The following DCHS2 variants were observed in gnomAD, a reference collection of about 807,000 sequenced individuals.
The protein encoded by DCHS2 is protocadherin-23.
Under a neutral mutation model 182.4 loss-of-function variants are expected in DCHS2, and 142 were observed. The observed-to-expected ratio is 0.78, with a 90% CI of 0.68 to 0.89. The LOEUF (loss-of-function observed/expected upper bound fraction) is 0.89, where lower values mean the gene tolerates loss of function less well. Among genes scored for constraint, DCHS2 ranks in the 40% least tolerant of loss-of-function variants. DCHS2 has a pLI of 0.00. For missense variants in DCHS2, 4,319 were observed against 4,198.6 expected (o/e 1.03, Z -0.79); for synonymous variants, 1,740 against 1,663.3 (o/e 1.05, Z -1.12).
Position 154,236,695 on chromosome 4 carries a change from T to A in DCHS2, c.7957A>T (p.Ile2653Leu), listed in dbSNP as rs776677739. 1 of 1,614,012 alleles carries A rather than the reference T, an allele frequency of 6.2e-7. No individual in the cohort carries two copies. The highest frequency in any genetic ancestry group is 1.7e-5 in the Admixed American group (1 of 59,998). The change falls in exon 20 of 20, where the codon ATA (isoleucine) becomes TTA (leucine). Residue 2653 changes from isoleucine to leucine, a missense_variant. Physicochemically the swap from Ile to Leu is conservative, Grantham distance 5 (BLOSUM62 2). Transcript: ENST00000357232. ...PPLSSTAVIS[I>L]QVLDVNDNPP... ...TTGTCATTGACATCAAGTACTTGTA[T>A]TGATATGACAGCTGTGGAACTCAAT...
chr4:154,293,077 C>G (rs1476898287), intron 13 of DCHS2, among the ~76,000 whole-genome samples: 3 of 152,216 alleles, frequency 2.0e-5, no homozygotes, highest in African/African-American at 7.2e-5. Flanking sequence ...TCAGCCCTCC[C>G]TCTTCCTTCA....
At position 154,235,436 on chromosome 4, in the gene DCHS2, C is replaced by T; in HGVS notation, c.9216G>A (p.Leu3072=). ...CCTTCTCCATGATACTTATTAAACT[C>T]AACCATTCCGGAGTGGCATCCACAG... is the stretch of plus-strand genomic sequence containing the variant. ...VVPVDATPEW[L]SLISIMEKDI... The change falls in exon 20 of 20, where the codon TTG becomes TTA. Residue 3072 remains leucine (L), a synonymous_variant. Transcript: ENST00000357232. 6.2e-7 allele frequency: 1 copy of T among 1,614,090 alleles called. No homozygotes were observed. The highest frequency in any genetic ancestry group is 1.1e-5 in the South Asian group (1 of 91,068).
In DCHS2 at chr4:154,240,615, G is replaced by C; in HGVS notation, c.7281C>G (p.His2427Gln). 1 of 1,613,940 alleles carries C rather than the reference G, an allele frequency of 6.2e-7. No individual in the cohort carries two copies. Among genetic ancestry groups the C allele is most frequent in the East Asian group, 2.2e-5 (1 of 44,826 alleles). ...GGACTACAAGTGCTCCCTCTGTGTA[G>C]TGCACTGAATCAGAAATTTGGATGA... ...ELLIQISDSVHYTEGALVVRV... is the reference protein window; with the variant it reads ...ELLIQISDSVQYTEGALVVRV... Residue 2427 changes from histidine to glutamine, a missense_variant, in exon 18 of 20, where the codon CAC (histidine) becomes CAG (glutamine). Coordinates refer to ENST00000357232, the MANE Select transcript of DCHS2 (RefSeq NM_001358235.2).
intron 1 of DCHS2, among the ~76,000 whole-genome samples, chr4:154,477,322 A>G (rs928357153): frequency 7.2e-5 from 11 of 152,152 alleles, no homozygotes; most frequent in Admixed American, 4.6e-4. Context: ...TAAACTAATT[A>G]TCTCACAAAG....
intron 1 of DCHS2, among the ~76,000 whole-genome samples, chr4:154,394,970 T>C (rs902464): frequency 0.9 from 136,577 of 152,128 alleles, 62,940 homozygotes; most frequent in East Asian, 1. Flanking sequence ...CCAACCAGAA[T>C]GTGCCCATTT....
chr4:154,231,955 T>G lies in DCHS2; in HGVS notation c.*2581A>C, dbSNP rs987694698. ...TGATTACTACTAGGACATGGAATTT[T>G]GATATCCATTTGGTACTGATTTACA... is the stretch of plus-strand genomic sequence containing the variant. On this transcript the variant is annotated 3_prime_UTR_variant, in exon 20 of 20. Transcript: ENST00000357232. 6.6e-6 allele frequency: 1 copy of G among 152,182 alleles called. No individual in the cohort carries two copies. The allele number at this position is 152,182 out of a possible 1,614,324, so 9.4% of individuals were successfully genotyped here.
intron 10 of DCHS2, among the ~76,000 whole-genome samples, chr4:154,308,878 A>T (rs1735562410): frequency 6.6e-6 from 1 of 152,188 alleles, no homozygotes; most frequent in Non-Finnish European, 1.5e-5. Context: ...CCCTGAATAG[A>T]CATGATGGGT....
intron 9 of DCHS2, among the ~76,000 whole-genome samples, chr4:154,317,016 G>A (rs540417402): frequency 2.2e-4 from 34 of 152,042 alleles, no homozygotes; most frequent in Non-Finnish European, 4.1e-4. Context: ...AGAAGTTTAC[G>A]GAATTCTATT....
At chr4:154,356,463 A>G (rs945723093) in intron 3 of DCHS2, among the ~76,000 whole-genome samples, 2 of 152,218 alleles carry the variant, frequency 1.3e-5, no homozygotes, top group Non-Finnish European at 2.9e-5. Context: ...TCTAAAGTCT[A>G]CAGTAGTGTA....
At chr4:154,411,317 G>T (rs1579058189) in intron 1 of DCHS2, among the ~76,000 whole-genome samples, 1 of 152,248 alleles carries the variant, frequency 6.6e-6, no homozygotes, top group East Asian at 1.9e-4. Context: ...ACAAGTCTGG[G>T]GCGGGGCACT....
chr4:154,302,967 ACCCACACACACACATATT>A (rs1561026257), intron 12 of DCHS2, among the ~76,000 whole-genome samples: 1 of 81,524 alleles, frequency 1.2e-5, no homozygotes, highest in Non-Finnish European at 2.1e-5. Flanking sequence ...ACACACACAC[ACCCACACACACACATATT>A]TTTTTTTTTT....
At chr4:154,275,207 C>A (rs1374505709) in intron 13 of DCHS2, among the ~76,000 whole-genome samples, 1 of 151,660 alleles carries the variant, frequency 6.6e-6, no homozygotes, top group Non-Finnish European at 1.5e-5. Flanking sequence ...ATATTGCCTG[C>A]AAAACTGAAA....
At position 154,485,240 on chromosome 4, in the gene DCHS2, G is replaced by A. The variant is rs569229009; in HGVS notation, c.2052+4064C>T. On this transcript the variant is annotated intron_variant, in intron 1 of 19. Coordinates refer to ENST00000357232, the MANE Select transcript of DCHS2 (RefSeq NM_001358235.2). ...GGCACAAGAGAAAAAAGGAAAAAGAGGAATTGGCAAGCGAGAGGCAGAATG... is the reference window on the plus strand; with the variant it reads ...GGCACAAGAGAAAAAAGGAAAAAGAAGAATTGGCAAGCGAGAGGCAGAATG... Among the ~76,000 whole-genome samples the A allele has an allele frequency of 3.3e-5, 5 of 152,270 alleles. No homozygotes were observed. The East Asian group carries it at 9.6e-4, about 29-fold the overall frequency.
intron 13 of DCHS2, among the ~76,000 whole-genome samples, chr4:154,285,795 G>C (rs1734367009): frequency 6.6e-6 from 1 of 152,050 alleles, no homozygotes; most frequent in African/African-American, 2.4e-5. Context: ...GGCTTCAGGG[G>C]AACTCACTGC....
chr4:154,327,560 A>G (rs1736329978), intron 7 of DCHS2, among the ~76,000 whole-genome samples: 1 of 152,174 alleles, frequency 6.6e-6, no homozygotes, highest in South Asian at 2.1e-4. Flanking sequence ...CACAATGCCA[A>G]TTAAAGTAAA....
At chr4:154,353,918 C>CT (rs904688231) in intron 3 of DCHS2, among the ~76,000 whole-genome samples, 4 of 151,868 alleles carry the variant, frequency 2.6e-5, no homozygotes, top group South Asian at 4.1e-4. Flanking sequence ...GTTTGAAGAC[C>CT]TTTTTTTTAT....
chr4:154,322,509 A>T (rs779991955), intron 7 of DCHS2, 21 bp from the exon 8 acceptor site: 1 of 1,578,116 alleles, frequency 6.3e-7, no homozygotes, highest in East Asian at 2.3e-5. Flanking sequence ...AAGAAAATTA[A>T]GAAATGAATG....
intron 18 of DCHS2, 114 bp from the exon 19 acceptor site, chr4:154,239,416 T>C: frequency 6.7e-7 from 1 of 1,482,656 alleles, no homozygotes; most frequent in South Asian, 1.3e-5. Context: ...AACCATACAA[T>C]ACAACCTGAC....
At position 154,332,750 on chromosome 4, in the gene DCHS2, G is replaced by A. The variant is rs759955050; in HGVS notation, c.3458C>T (p.Thr1153Ile). Residue 1153 changes from threonine to isoleucine, a missense_variant, in exon 5 of 20, where the codon ACC becomes ATC. Coordinates refer to ENST00000357232, the MANE Select transcript of DCHS2 (RefSeq NM_001358235.2). Reference protein sequence around the residue: ...YLRRQFDYESTQTYNFRVFAW... With the variant: ...YLRRQFDYESIQTYNFRVFAW... Reference sequence around the variant, plus strand: ...AAACACTCTAAAATTATATGTTTGGGTGGATTCATAGTCAAACTGTCGCCG... The same window carrying A: ...AAACACTCTAAAATTATATGTTTGGATGGATTCATAGTCAAACTGTCGCCG... 1 of 1,614,084 alleles carries A rather than the reference G, an allele frequency of 6.2e-7. No homozygotes were observed. Among genetic ancestry groups the A allele is most frequent in the Non-Finnish European group, 8.5e-7 (1 of 1,180,054 alleles).
Sources: gnomAD v4.1 joint callset for allele counts (sites outside exome capture counted in the v4.1 genomes callset) on GRCh38, gnomAD v4.1.1 for gene constraint, MANE v1.5 for transcripts, NCBI Gene and HGNC (gene_info 2026-07-23, HGNC 2026-07-21) for gene names.